The following CLIP2 variants were observed in gnomAD, a reference collection of about 807,000 sequenced individuals.
CLIP2 encodes the protein CAP-Gly domain-containing linker protein 2.
A neutral mutation model predicts 111.7 loss-of-function variants in CLIP2; 41 were observed. The observed-to-expected ratio is 0.37, with a 90% CI of 0.29 to 0.48. CLIP2 has a LOEUF of 0.48. Ranked by LOEUF, CLIP2 falls within the 20% of genes least tolerant of loss-of-function variation. The probability of loss-of-function intolerance (pLI) is 0.99; values close to 1 mark genes in which losing one functional copy is unlikely to be tolerated. For synonymous variants in CLIP2, 660 were observed against 644.2 expected (o/e 1.02, Z -0.37); for missense variants, 1,160 against 1,422.1 (o/e 0.82, Z 2.96).
At chr7:74,328,026 C>T (rs567290859) in intron 2 of CLIP2, among the ~76,000 whole-genome samples, 9 of 152,264 alleles carry the variant, frequency 5.9e-5, no homozygotes, top group East Asian at 1.9e-4. Flanking sequence ...GGATTCAGGA[C>T]GGTGTGGGCT....
intron 10 of CLIP2, among the ~76,000 whole-genome samples, chr7:74,378,785 CA>C (rs1295196877): frequency 6.6e-6 from 1 of 152,088 alleles, no homozygotes; most frequent in Non-Finnish European, 1.5e-5. Context: ...AGCATGTGGG[CA>C]GTAAGTTCTC....
chr7:74,334,329 T>C (rs1584335042), intron 2 of CLIP2, among the ~76,000 whole-genome samples: 1 of 152,188 alleles, frequency 6.6e-6, no homozygotes, highest in South Asian at 2.1e-4. Context: ...CATGGGCTCG[T>C]GGCTTGGATT....
rs973997830 is a variant in CLIP2 at position 74,403,984 on chromosome 7, G to A, written c.*136G>A. On this transcript the variant is annotated 3_prime_UTR_variant, in exon 17 of 17. Coordinates refer to ENST00000223398, the MANE Select transcript of CLIP2 (RefSeq NM_003388.5). Reference sequence around the variant, plus strand: ...TGTTTGTAACAATAACGTACTCACCGCCGCGGACAATCCCCCACCCCGATC... The same window carrying A: ...TGTTTGTAACAATAACGTACTCACCACCGCGGACAATCCCCCACCCCGATC... 9 of 957,336 alleles carry A rather than the reference G, an allele frequency of 9.4e-6. No homozygotes were observed. Among genetic ancestry groups the A allele is most frequent in the Non-Finnish European group, 1.2e-5 (7 of 600,520 alleles). 59.3% of individuals were successfully genotyped at this position (957,336 alleles called of 1,614,324 possible).
chr7:74,370,325 G>A (rs1164174811), intron 8 of CLIP2, among the ~76,000 whole-genome samples: 119 of 151,384 alleles, frequency 7.9e-4, no homozygotes, highest in African/African-American at 2.6e-3. Flanking sequence ...GCGTGGTGGC[G>A]GGCGCCTGCA....
At chr7:74,336,265 C>T (rs927798029) in intron 2 of CLIP2, among the ~76,000 whole-genome samples, 9 of 151,070 alleles carry the variant, frequency 6.0e-5, no homozygotes, top group Non-Finnish European at 7.4e-5. Flanking sequence ...ATGGGGTTTC[C>T]CCATGTTGGC....
intron 2 of CLIP2, among the ~76,000 whole-genome samples, chr7:74,331,567 T>TCC: frequency 7.7e-6 from 1 of 130,686 alleles, no homozygotes; most frequent in South Asian, 2.8e-4. Flanking sequence ...TCTTTCTTTT[T>TCC]TTTTTTTTTT....
At chr7:74,295,265 G>T (rs1788135793) in intron 1 of CLIP2, among the ~76,000 whole-genome samples, 2 of 152,064 alleles carry the variant, frequency 1.3e-5, no homozygotes, top group Non-Finnish European at 2.9e-5. Context: ...CCCAGCTGGG[G>T]CTGAGTTTTG....
intron 16 of CLIP2, among the ~76,000 whole-genome samples, chr7:74,403,041 T>C (rs1554317980): frequency 2.0e-5 from 3 of 149,000 alleles, no homozygotes; most frequent in Non-Finnish European, 1.5e-5. Flanking sequence ...CGAAACCCCA[T>C]CTCTACTAAA....
At chr7:74,326,769 T>C (rs1554730709) in intron 2 of CLIP2, among the ~76,000 whole-genome samples, 1 of 145,260 alleles carries the variant, frequency 6.9e-6, no homozygotes, top group African/African-American at 2.6e-5. Flanking sequence ...CCCAAGTAGC[T>C]GGGATTACAG....
At chr7:74,389,081 C>T (rs1554315319) in intron 12 of CLIP2, 22 bp from the exon 13 acceptor site, 1 of 1,590,454 alleles carries the variant, frequency 6.3e-7, no homozygotes, top group East Asian at 2.2e-5. Context: ...CTCTTCCTCC[C>T]TTCCCTGCCG....
chr7:74,371,941 A>T (rs1488266382), intron 8 of CLIP2, among the ~76,000 whole-genome samples: 1 of 152,138 alleles, frequency 6.6e-6, no homozygotes, highest in East Asian at 1.9e-4. Flanking sequence ...GGGTTTTATT[A>T]CAGGTTTCAC....
chr7:74,401,764 C>T (rs1380356038), intron 16 of CLIP2, 197 bp downstream of exon 16: 1 of 713,396 alleles, frequency 1.4e-6, no homozygotes, highest in Non-Finnish European at 2.5e-6. Flanking sequence ...GTGTTTTCTT[C>T]CCTTCTTAAA....
rs1789893518 is a variant in CLIP2, at chr7:74,348,993, T to A, written c.679-4887T>A. On this transcript the variant is annotated intron_variant, in intron 3 of 16. Coordinates refer to ENST00000223398, the MANE Select transcript of CLIP2 (RefSeq NM_003388.5). ...GAAACCTCGCCTATACAAGAAAAAATTTAAAAAAATCTTGTACAAGAATAT... is the reference window on the plus strand; with the variant it reads ...GAAACCTCGCCTATACAAGAAAAAAATTAAAAAAATCTTGTACAAGAATAT... Among the ~76,000 whole-genome samples, 5 of 146,816 alleles carry A rather than the reference T, an allele frequency of 3.4e-5. No individual in the cohort carries two copies. In the South Asian group the frequency reaches 8.6e-4, roughly 25 times the overall value.
intron 1 of CLIP2, 99 bp from the exon 2 acceptor site, chr7:74,317,381 C>T: frequency 1.2e-6 from 1 of 818,528 alleles, no homozygotes; most frequent in Non-Finnish European, 1.7e-6. Flanking sequence ...GTTGCCTCGT[C>T]CAGCCCACCT....
intron 12 of CLIP2, among the ~76,000 whole-genome samples, chr7:74,387,458 C>G (rs1158829803): frequency 6.6e-6 from 1 of 152,108 alleles, no homozygotes; most frequent in Non-Finnish European, 1.5e-5. Flanking sequence ...GCCATGTTGG[C>G]CAGGCTGGTC....
chr7:74,343,249 C>T (rs1463977788), intron 3 of CLIP2, among the ~76,000 whole-genome samples: 3 of 151,776 alleles, frequency 2.0e-5, no homozygotes, highest in African/African-American at 7.3e-5. Context: ...AGGAAGGAGG[C>T]TGGACTCCTG....
intron 13 of CLIP2, 158 bp downstream of exon 13, chr7:74,389,417 G>A (rs1306450590): frequency 1.0e-5 from 7 of 691,112 alleles, no homozygotes; most frequent in South Asian, 4.1e-5. Flanking sequence ...TCTAAGCTCC[G>A]ATAAAGTCTC....
chr7:74,346,581 G>C (rs1310753622), intron 3 of CLIP2, among the ~76,000 whole-genome samples: 2 of 151,946 alleles, frequency 1.3e-5, no homozygotes, highest in African/African-American at 4.8e-5. Context: ...AAGTTAGCTG[G>C]GTGTGGTGGC....
intron 2 of CLIP2, among the ~76,000 whole-genome samples, chr7:74,322,001 T>TTC: frequency 6.7e-6 from 1 of 148,366 alleles, no homozygotes; most frequent in East Asian, 2.0e-4. Context: ...TTTTTTTTTT[T>TTC]GAGACAGAGT....
Sources: allele counts gnomAD v4.1 joint callset (sites outside exome capture counted in the v4.1 genomes callset), GRCh38; gene constraint gnomAD v4.1.1; transcripts MANE v1.5; gene names NCBI Gene and HGNC (gene_info 2026-07-23, HGNC 2026-07-21).